The following PDSS2 variants were observed in gnomAD, a reference collection of about 807,000 sequenced individuals.
The protein encoded by PDSS2 is decaprenyl diphosphate synthase subunit 2, also known as all trans-polyprenyl-diphosphate synthase PDSS2.
PDSS2 carries 31 observed loss-of-function variants against 44.5 expected under a neutral mutation model. The ratio of observed to expected loss-of-function variants is 0.70; its 90% CI spans 0.52 to 0.94. PDSS2 has a LOEUF of 0.94. PDSS2 is among the 40% of genes least tolerant of loss of function. PDSS2 has a pLI of 0.00. For synonymous variants in PDSS2, 157 were observed against 180.3 expected (o/e 0.87, Z 1.03); for missense variants, 452 against 482.2 (o/e 0.94, Z 0.59).
intron 7 of PDSS2, among the ~76,000 whole-genome samples, chr6:107,177,223 C>T (rs9486551): frequency 0.38 from 56,572 of 150,446 alleles, 10,882 homozygotes; most frequent in African/African-American, 0.44. Context: ...CTCTGCCTCT[C>T]GGGTTCAAGT....
chr6:107,198,935 G>A (rs1418751522), intron 6 of PDSS2, among the ~76,000 whole-genome samples: 3 of 152,202 alleles, frequency 2.0e-5, no homozygotes, highest in Non-Finnish European at 2.9e-5. Flanking sequence ...GGTCAAGGCT[G>A]CAGTGAGCTG....
chr6:107,270,371 G>A (rs1007006687), intron 3 of PDSS2, among the ~76,000 whole-genome samples: 16 of 151,050 alleles, frequency 1.1e-4, no homozygotes, highest in African/African-American at 2.4e-4. Context: ...CTCAGCCTCC[G>A]AAAGTGCTGG....
At chr6:107,364,042 A>T (rs1169079755) in intron 1 of PDSS2, among the ~76,000 whole-genome samples, 1 of 152,216 alleles carries the variant, frequency 6.6e-6, no homozygotes, top group Non-Finnish European at 1.5e-5. Context: ...TCACCAGAGC[A>T]GCTAGATACA....
At chr6:107,207,978 G>GTT (rs756043067) in intron 6 of PDSS2, among the ~76,000 whole-genome samples, 21,342 of 67,572 alleles carry the variant, frequency 0.32, 3,563 homozygotes, top group South Asian at 0.48. Flanking sequence ...TCTATGACTT[G>GTT]TTTTTTTTTT....
intron 1 of PDSS2, among the ~76,000 whole-genome samples, chr6:107,390,103 T>A (rs1165576074): frequency 6.6e-6 from 1 of 152,102 alleles, no homozygotes; most frequent in Non-Finnish European, 1.5e-5. Flanking sequence ...GAGATATTCC[T>A]TACAGAAAAA....
At chr6:107,178,811 A>G (rs943775742) in intron 7 of PDSS2, among the ~76,000 whole-genome samples, 1 of 152,202 alleles carries the variant, frequency 6.6e-6, no homozygotes, top group African/African-American at 2.4e-5. Flanking sequence ...ACTTGAGGAC[A>G]GGAGTTCGAG....
At chr6:107,349,356 C>G (rs1237619115) in intron 1 of PDSS2, among the ~76,000 whole-genome samples, 2 of 151,930 alleles carry the variant, frequency 1.3e-5, no homozygotes, top group Non-Finnish European at 2.9e-5. Context: ...TGGCGTGAAC[C>G]TGGGAGGCGG....
At chr6:107,357,275 T>C (rs1208055310) in intron 1 of PDSS2, among the ~76,000 whole-genome samples, 2 of 152,162 alleles carry the variant, frequency 1.3e-5, no homozygotes, top group African/African-American at 4.8e-5. Context: ...TATTATGAGC[T>C]GCTGGTATCC....
rs150527151 is a variant in PDSS2, at chr6:107,453,745, T to C, written c.296+5245A>G. ...TATTCATGCTGCTTATCCTTGCTTT[T>C]AAGGTCTTCCCCATACCTAGTAGAG... On this transcript the variant is annotated intron_variant, in intron 1 of 7. Transcript: ENST00000369037. Among the ~76,000 whole-genome samples the C allele has an allele frequency of 1.8e-4, 27 of 152,310 alleles. No individual in the cohort carries two copies. The East Asian group carries it at 3.1e-3, about 17-fold the overall frequency.
chr6:107,340,673 T>C (rs1368347379), intron 1 of PDSS2, among the ~76,000 whole-genome samples: 1 of 152,156 alleles, frequency 6.6e-6, no homozygotes, highest in Non-Finnish European at 1.5e-5. Context: ...TTGCTAGAGG[T>C]GTCCCTCACA....
intron 1 of PDSS2, among the ~76,000 whole-genome samples, chr6:107,431,393 G>A (rs1781189381): frequency 6.6e-6 from 1 of 152,044 alleles, no homozygotes; most frequent in Non-Finnish European, 1.5e-5. Flanking sequence ...GGGACTACAG[G>A]TGCATGCCAC....
chr6:107,186,583 C>T (rs887466408), intron 7 of PDSS2, among the ~76,000 whole-genome samples: 2 of 152,028 alleles, frequency 1.3e-5, no homozygotes, highest in African/African-American at 2.4e-5. Flanking sequence ...ACCTATTGAC[C>T]CGCTCTCTAA....
chr6:107,289,410 G>T (rs977273693), intron 2 of PDSS2, among the ~76,000 whole-genome samples: 27 of 151,380 alleles, frequency 1.8e-4, no homozygotes, highest in African/African-American at 6.1e-4. Context: ...AGAAATGGAG[G>T]CCAGGTGCAG....
intron 2 of PDSS2, among the ~76,000 whole-genome samples, chr6:107,325,678 C>T (rs1333595887): frequency 6.6e-6 from 1 of 152,144 alleles, no homozygotes; most frequent in African/African-American, 2.4e-5. Context: ...CTCCAAAGCC[C>T]TCATTCTAAT....
At chr6:107,369,045 G>C (rs1779049813) in intron 1 of PDSS2, among the ~76,000 whole-genome samples, 1 of 152,142 alleles carries the variant, frequency 6.6e-6, no homozygotes, top group Admixed American at 6.5e-5. Flanking sequence ...TTTGAAAAAA[G>C]TGCCAAGACA....
At chr6:107,363,259 G>A (rs1388932519) in intron 1 of PDSS2, among the ~76,000 whole-genome samples, 1 of 152,252 alleles carries the variant, frequency 6.6e-6, no homozygotes, top group Non-Finnish European at 1.5e-5. Flanking sequence ...AGGATAAATT[G>A]TGTTCGGAAT....
At chr6:107,269,142 G>A (rs529142652) in intron 3 of PDSS2, among the ~76,000 whole-genome samples, 3 of 151,876 alleles carry the variant, frequency 2.0e-5, no homozygotes, top group Non-Finnish European at 4.4e-5. Flanking sequence ...GGCTGGTCTC[G>A]AACTCCCGAC....
chr6:107,263,869 G>A (rs900768734), intron 3 of PDSS2, among the ~76,000 whole-genome samples: 1 of 152,120 alleles, frequency 6.6e-6, no homozygotes, highest in Non-Finnish European at 1.5e-5. Context: ...TAATTGATAT[G>A]GAGATAGTCT....
chr6:107,281,934 C>T (rs1041576004), intron 2 of PDSS2, among the ~76,000 whole-genome samples: 1 of 152,118 alleles, frequency 6.6e-6, no homozygotes, highest in Non-Finnish European at 1.5e-5. Context: ...GAGACAGAGT[C>T]TTGCTCCGTC....
Sources: gnomAD v4.1 joint callset for allele counts (sites outside exome capture counted in the v4.1 genomes callset) on GRCh38, gnomAD v4.1.1 for gene constraint, MANE v1.5 for transcripts, NCBI Gene and HGNC (gene_info 2026-07-23, HGNC 2026-07-21) for gene names.